QDPR: variants seen among roughly 807,000 people sequenced by gnomAD.
QDPR encodes dihydropteridine reductase.
QDPR carries 23 observed loss-of-function variants against 31.7 expected under a neutral mutation model. The ratio of observed to expected loss-of-function variants is 0.73; its 90% CI spans 0.52 to 1.03. The LOEUF is 1.03. Ranked by LOEUF, QDPR falls within the 50% of genes least tolerant of loss-of-function variation. QDPR has a pLI of 0.00. For synonymous variants in QDPR, 124 were observed against 124.7 expected (o/e 0.99, Z 0.03); for missense variants, 324 against 323.8 (o/e 1.00, Z 0.00).
chr4:17,510,360 T>C (rs1169520344), intron 1 of QDPR, among the ~76,000 whole-genome samples: 4 of 152,208 alleles, frequency 2.6e-5, no homozygotes, highest in African/African-American at 7.2e-5. Context: ...GTGTAAGAAT[T>C]AAATGAAATG....
chr4:17,491,070 T>C (rs552241798), intron 5 of QDPR, among the ~76,000 whole-genome samples: 8 of 152,240 alleles, frequency 5.3e-5, no homozygotes, highest in Non-Finnish European at 1.2e-4. Context: ...GCTTTGTTGC[T>C]GTGTCTTTAT....
intron 6 of QDPR, 31 bp downstream of exon 6, chr4:17,490,631 G>T (rs1382180683): frequency 6.5e-7 from 1 of 1,542,272 alleles, no homozygotes; most frequent in Non-Finnish European, 9.0e-7. Flanking sequence ...GCTGGAAGCT[G>T]CTCAGTCATG....
chr4:17,503,849 G>A lies in QDPR; in HGVS notation c.295+530C>T, dbSNP rs563960448. ...ACCTGTAATATCAGCTACTCGGGAG[G>A]CTGAGGCAGGAGAATCGCTTGAACC... On this transcript the variant is annotated intron_variant, in intron 3 of 6. Transcript: ENST00000281243. 9.9e-5 allele frequency among the ~76,000 whole-genome samples: 15 copies of A among 152,172 alleles called. No individual in the cohort carries two copies. In the South Asian group the frequency reaches 1.7e-3, roughly 17 times the overall value.
At chr4:17,509,746 T>G (rs753127891) in intron 1 of QDPR, among the ~76,000 whole-genome samples, 3 of 151,762 alleles carry the variant, frequency 2.0e-5, no homozygotes, top group Admixed American at 6.6e-5. Context: ...GAAAGAAAAA[T>G]AAAGGAGCAG....
intron 5 of QDPR, among the ~76,000 whole-genome samples, chr4:17,491,953 G>A (rs967725561): frequency 2.0e-5 from 3 of 152,194 alleles, no homozygotes; most frequent in Non-Finnish European, 4.4e-5. Flanking sequence ...ATGAGCCCTC[G>A]CCAGGCACCA....
chr4:17,508,886 C>CGGT (rs1718888386), intron 2 of QDPR, among the ~76,000 whole-genome samples: 3 of 152,094 alleles, frequency 2.0e-5, no homozygotes, highest in Admixed American at 2.0e-4. Flanking sequence ...AGGCCAGGCG[C>CGGT]GGTGGCTCAT....
chr4:17,495,004 C>CT (rs1399369738), intron 4 of QDPR, among the ~76,000 whole-genome samples: 1 of 152,180 alleles, frequency 6.6e-6, no homozygotes, highest in African/African-American at 2.4e-5. Flanking sequence ...GTAGGAGGGG[C>CT]TTTGCTCAGC....
intron 2 of QDPR, among the ~76,000 whole-genome samples, chr4:17,504,976 T>C (rs1385463869): frequency 2.6e-5 from 4 of 151,986 alleles, no homozygotes; most frequent in African/African-American, 9.7e-5. Flanking sequence ...GTAAGAAAAA[T>C]CATGAGCCAA....
chr4:17,497,236 T>C (rs1032764285), intron 4 of QDPR, among the ~76,000 whole-genome samples: 1 of 152,206 alleles, frequency 6.6e-6, no homozygotes, highest in Non-Finnish European at 1.5e-5. Flanking sequence ...TAGTGCCATG[T>C]GAATTTTTAC....
chr4:17,508,860 A>G (rs995882396), intron 2 of QDPR, among the ~76,000 whole-genome samples: 1 of 151,976 alleles, frequency 6.6e-6, no homozygotes, highest in Non-Finnish European at 1.5e-5. Flanking sequence ...CAACAGCTTT[A>G]AAAAAAAGGA....
chr4:17,492,693 G>A (rs749254331), intron 4 of QDPR, among the ~76,000 whole-genome samples: 1 of 152,180 alleles, frequency 6.6e-6, no homozygotes, highest in Non-Finnish European at 1.5e-5. Context: ...GAGGAGACAT[G>A]ACATTTCAGG....
chr4:17,496,149 G>GA, intron 4 of QDPR, among the ~76,000 whole-genome samples: 2 of 152,058 alleles, frequency 1.3e-5, no homozygotes, highest in South Asian at 4.2e-4. Context: ...CTGTGGGAAT[G>GA]AAAAAACAAA....
intron 2 of QDPR, 63 bp from the exon 3 acceptor site, chr4:17,504,538 T>C: frequency 1.5e-6 from 2 of 1,309,170 alleles, no homozygotes; most frequent in South Asian, 2.4e-5. Flanking sequence ...CTAGCATCTT[T>C]ACGGATACTC....
At chr4:17,503,377 T>C (rs1431364538) in intron 3 of QDPR, among the ~76,000 whole-genome samples, 2 of 152,222 alleles carry the variant, frequency 1.3e-5, no homozygotes, top group African/African-American at 4.8e-5. Flanking sequence ...ATATCATTAA[T>C]CTTAGATAAT....
chr4:17,509,940 C>T, intron 1 of QDPR: 1 of 456,140 alleles, frequency 2.2e-6, no homozygotes, highest in Non-Finnish European at 4.4e-6. Flanking sequence ...TTACCTTAGG[C>T]TTTGCTGGCC....
intron 6 of QDPR, chr4:17,490,419 G>A (rs774632792): frequency 5.5e-5 from 27 of 493,190 alleles, no homozygotes; most frequent in East Asian, 4.0e-4. Flanking sequence ...CAGCATGGCC[G>A]GTGGTGAGGG....
At chr4:17,496,762 T>TTTTG (rs555908245) in intron 4 of QDPR, among the ~76,000 whole-genome samples, 16,066 of 151,456 alleles carry the variant, frequency 0.11, 1,722 homozygotes, top group East Asian at 0.44. Flanking sequence ...CAGCCTCTTT[T>TTTTG]TTTGTTTGTT....
At chr4:17,493,405 C>T (rs985302144) in intron 4 of QDPR, among the ~76,000 whole-genome samples, 2 of 152,116 alleles carry the variant, frequency 1.3e-5, no homozygotes, top group East Asian at 1.9e-4. Context: ...TCACTGTACT[C>T]CCGTCTGATT....
intron 4 of QDPR, among the ~76,000 whole-genome samples, chr4:17,497,228 G>A (rs1027561930): frequency 1.3e-5 from 2 of 152,166 alleles, no homozygotes; most frequent in South Asian, 4.2e-4. Context: ...GTTTCTTTTA[G>A]TGCCATGTGA....
Sources: gnomAD v4.1 joint callset for allele counts (sites outside exome capture counted in the v4.1 genomes callset) on GRCh38, gnomAD v4.1.1 for gene constraint, MANE v1.5 for transcripts, NCBI Gene and HGNC (gene_info 2026-07-23, HGNC 2026-07-21) for gene names.